Variants in IGFBP4 observed in about 807,000 individuals in gnomAD.
IGFBP4 encodes insulin-like growth factor-binding protein 4.
IGFBP4 carries 9 observed loss-of-function variants against 25.8 expected under a neutral mutation model. The ratio of observed to expected loss-of-function variants is 0.35; its 90% confidence interval spans 0.21 to 0.61. IGFBP4 has a LOEUF of 0.61. IGFBP4 is among the 20% of genes least tolerant of loss of function. The pLI is 0.77. For synonymous variants in IGFBP4, 153 were observed against 153.9 expected (o/e 0.99, Z 0.05); for missense variants, 315 against 365.3 (o/e 0.86, Z 1.12).
intron 1 of IGFBP4, among the ~76,000 whole-genome samples, chr17:40,452,669 C>T (rs1294095100): frequency 2.6e-5 from 4 of 152,102 alleles, no homozygotes; most frequent in Non-Finnish European, 5.9e-5. Context: ...CCCTGCCTGC[C>T]TCAGACCTCC....
intron 1 of IGFBP4, among the ~76,000 whole-genome samples, chr17:40,444,926 C>CAGAG (rs1272915770): frequency 8.0e-5 from 5 of 62,682 alleles, no homozygotes; most frequent in African/African-American, 1.8e-4. Context: ...CACACACACA[C>CAGAG]AGAGACAGAG....
At chr17:40,447,402 C>CG (rs1461751425) in intron 1 of IGFBP4, among the ~76,000 whole-genome samples, 1 of 152,178 alleles carries the variant, frequency 6.6e-6, no homozygotes, top group Non-Finnish European at 1.5e-5. Context: ...AGCGTTTGGA[C>CG]GGGGAGTTCC....
At chr17:40,455,578 G>C (rs1371268952) in intron 3 of IGFBP4, among the ~76,000 whole-genome samples, 15 of 152,000 alleles carry the variant, frequency 9.9e-5, no homozygotes, top group Admixed American at 9.2e-4. Flanking sequence ...CATCTCCCGG[G>C]TTCAAGCGAT....
chr17:40,448,535 A>G (rs564260699), intron 1 of IGFBP4, among the ~76,000 whole-genome samples: 210 of 152,334 alleles, frequency 1.4e-3, no homozygotes, highest in African/African-American at 4.7e-3. Context: ...CTCAGAGGGG[A>G]ACCCACAGGC....
Position 40,453,878 on chromosome 17 carries a change from C to A in IGFBP4, c.508-50C>A. ...CTTAGCTCTGACCCCAGGCCTGGGC[C>A]TCCTGCCTCTCTTCCTTCTGCTGAG... On this transcript the variant is annotated intron_variant, in intron 2 of 3. Transcript: ENST00000269593. This position sits in a 1 kb window ranked among gnomAD's most constrained non-coding sequence, Gnocchi z 4.0. The A allele has an allele frequency of 6.9e-7, 1 of 1,459,626 alleles. No individual in the cohort carries two copies. The allele number at this position is 1,459,626 out of a possible 1,614,324, so 90.4% of individuals were successfully genotyped here. A position where few individuals can be genotyped will look rare whatever the true frequency, so the allele number is the denominator to read the frequency against.
At position 40,453,954 on chromosome 17, in the gene IGFBP4, G is replaced by A. The variant is rs1020200039; in HGVS notation, c.534G>A (p.Leu178=). 8.1e-6 allele frequency: 13 copies of A among 1,611,516 alleles called. No individual in the cohort carries two copies. The highest frequency in any genetic ancestry group is 1.1e-5 in the Non-Finnish European group (13 of 1,179,144). The part of the protein sequence containing the change: ...PVPQGSCQSE[L]HRALERLAAS... Reference sequence around the variant, plus strand: ...CCCAGGGCTCCTGCCAGAGCGAGCTGCACCGGGCGCTGGAGCGGCTGGCCG... The same window carrying A: ...CCCAGGGCTCCTGCCAGAGCGAGCTACACCGGGCGCTGGAGCGGCTGGCCG... Residue 178 remains leucine, a synonymous_variant, in exon 3 of 4, where the codon CTG becomes CTA. Transcript: ENST00000269593. This position sits in a 1 kb window ranked among gnomAD's most constrained non-coding sequence, Gnocchi z 4.0.
chr17:40,446,169 CAAA>C (rs71152673), intron 1 of IGFBP4, among the ~76,000 whole-genome samples: 4 of 99,274 alleles, frequency 4.0e-5, no homozygotes, highest in African/African-American at 7.9e-5. Flanking sequence ...CCCGTCTCTA[CAAA>C]AAAAAAAAAA....
rs1042073315 is a variant in IGFBP4, at chr17:40,456,370, CTGGGCTGGGAT to C, written c.643-74_643-64del. Reference sequence around the variant, plus strand: ...GCGACCGTCTGACTTGGGGGCTGGGCTGGGCTGGGATTGGGGTGGGTCACTTGGGGTCTCTT... The same window carrying C: ...GCGACCGTCTGACTTGGGGGCTGGGCTGGGGTGGGTCACTTGGGGTCTCTT... On this transcript the variant is annotated intron_variant, in intron 3 of 3. Transcript: ENST00000269593. The C allele has an allele frequency of 4.3e-5, 64 of 1,494,112 alleles. No homozygotes were observed. In the African/African-American group the frequency reaches 7.4e-4, roughly 17 times the overall value. 92.6% of individuals were successfully genotyped at this position (1,494,112 alleles called of 1,614,324 possible). A position where few individuals can be genotyped will look rare whatever the true frequency, so the allele number is the denominator to read the frequency against.
In IGFBP4 at chr17:40,453,290, T is replaced by C. The variant is rs542294633; in HGVS notation, c.507+148T>C. 2.4e-5 allele frequency: 13 copies of C among 540,146 alleles called. No homozygotes were observed. In the East Asian group the frequency reaches 4.2e-4, roughly 17 times the overall value. 33.5% of individuals were successfully genotyped at this position (540,146 alleles called of 1,614,324 possible). A position where few individuals can be genotyped will look rare whatever the true frequency, so the allele number is the denominator to read the frequency against. On this transcript the variant is annotated intron_variant, in intron 2 of 3. Transcript: ENST00000269593. The surrounding 1 kb of genome is among the most constrained non-coding windows in gnomAD (Gnocchi z 4.0). ...CACACATTCTAGGGTGACTACTGTGTGCAAGGTGCAACTAGTGTGAGTCAT... is the reference window on the plus strand; with the variant it reads ...CACACATTCTAGGGTGACTACTGTGCGCAAGGTGCAACTAGTGTGAGTCAT...
rs548340940 is a variant in IGFBP4 at position 40,453,745 on chromosome 17, G to A, written c.508-183G>A. Among the ~76,000 whole-genome samples, 6 of 150,626 alleles carry A rather than the reference G, an allele frequency of 4.0e-5. No individual in the cohort carries two copies. The highest frequency in any genetic ancestry group is 4.2e-4 in the South Asian group (2 of 4,748). ...TTTGGCTCGAGACCCTTTCCTCCAC[G>A]TCTCTACCCTCCCAGTGTGTCCTCC... On this transcript the variant is annotated intron_variant, in intron 2 of 3. Transcript: ENST00000269593. This position sits in a 1 kb window ranked among gnomAD's most constrained non-coding sequence, Gnocchi z 4.0.
intron 3 of IGFBP4, among the ~76,000 whole-genome samples, chr17:40,454,774 G>A (rs72819628): frequency 0.02 from 3,002 of 152,332 alleles, 38 homozygotes; most frequent in Non-Finnish European, 0.031. Flanking sequence ...ATCAGAATGG[G>A]TGGCCTGTCT....
chr17:40,450,616 T>G (rs1597675280), intron 1 of IGFBP4, among the ~76,000 whole-genome samples: 1 of 152,090 alleles, frequency 6.6e-6, no homozygotes, highest in Non-Finnish European at 1.5e-5. Flanking sequence ...TAGCTCACTG[T>G]AGCCTTGATG....
At chr17:40,450,315 T>C (rs1357964612) in intron 1 of IGFBP4, among the ~76,000 whole-genome samples, 1 of 152,066 alleles carries the variant, frequency 6.6e-6, no homozygotes, top group Admixed American at 6.5e-5. Flanking sequence ...TACTTTCTTT[T>C]ATGGTCATTA....
At chr17:40,456,309 A>G (rs994545712) in intron 3 of IGFBP4, 140 bp from the exon 4 acceptor site, 9 of 771,860 alleles carry the variant, frequency 1.2e-5, no homozygotes, top group Admixed American at 5.1e-5. Context: ...CCATGCTCAA[A>G]AAAGAGTCAC....
intron 1 of IGFBP4, among the ~76,000 whole-genome samples, chr17:40,449,744 G>A (rs369365961): frequency 2.0e-5 from 3 of 148,176 alleles, no homozygotes; most frequent in South Asian, 2.1e-4. Context: ...GCGAGACTCC[G>A]TCTCAAAAAA....
chr17:40,444,069 A>C lies in IGFBP4; in HGVS notation c.334A>C (p.Ser112Arg). The change falls in exon 1 of 4, where the codon AGC becomes CGC. Residue 112 changes from serine (S) to arginine (R), a missense_variant. Coordinates refer to ENST00000269593, the MANE Select transcript of IGFBP4 (RefSeq NM_001552.3). ...ELAEIEAIQE[S>R]LQPSDKDEGD... Reference sequence around the variant, plus strand: ...GGCGGAGATCGAGGCCATCCAGGAAAGCCTGCAGCCCTCTGGTAAGGTACC... The same window carrying C: ...GGCGGAGATCGAGGCCATCCAGGAACGCCTGCAGCCCTCTGGTAAGGTACC... 6.5e-7 allele frequency: 1 copy of C among 1,537,192 alleles called. No individual in the cohort carries two copies. Among genetic ancestry groups the C allele is most frequent in the Non-Finnish European group, 8.7e-7 (1 of 1,147,092 alleles).
intron 1 of IGFBP4, among the ~76,000 whole-genome samples, chr17:40,444,932 CAGAGAGAGAGAGAGAG>C (rs10603634): frequency 9.8e-4 from 74 of 75,396 alleles, no homozygotes; most frequent in African/African-American, 2.8e-3. Context: ...CACACAGAGA[CAGAGAGAGAGAGAGAG>C]AGAGAGAGAG....
intron 1 of IGFBP4, among the ~76,000 whole-genome samples, chr17:40,446,805 A>G (rs548404676): frequency 1.3e-5 from 2 of 152,194 alleles, no homozygotes; most frequent in East Asian, 3.9e-4. Flanking sequence ...GCCTGGAGGT[A>G]CCTACTGAGC....
At chr17:40,456,106 C>G (rs2035712565) in intron 3 of IGFBP4, among the ~76,000 whole-genome samples, 1 of 152,138 alleles carries the variant, frequency 6.6e-6, no homozygotes, top group Non-Finnish European at 1.5e-5. Flanking sequence ...GGATCCACCT[C>G]ATAACTATAA....
Sources: allele counts gnomAD v4.1 joint callset (sites outside exome capture counted in the v4.1 genomes callset), GRCh38; gene constraint gnomAD v4.1.1; non-coding constraint Gnocchi (gnomAD v3.1); transcripts MANE v1.5; gene names NCBI Gene and HGNC (gene_info 2026-07-23, HGNC 2026-07-21).